The following OSBP variants were observed in gnomAD, a reference collection of about 807,000 sequenced individuals.
OSBP encodes the protein oxysterol binding protein, also known as oxysterol-binding protein 1.
OSBP carries 32 observed loss-of-function variants against 96.6 expected under a neutral mutation model. That is an observed-to-expected ratio of 0.33 (90% CI 0.25 to 0.45). The LOEUF is 0.45. OSBP is among the 20% of genes least tolerant of loss of function. The pLI, the probability that OSBP is intolerant of heterozygous loss-of-function variation, is 1.00. For synonymous variants in OSBP, 369 were observed against 389.6 expected, an observed-to-expected ratio of 0.95 and a Z score of 0.62; for missense variants, 653 against 1,029.7, an observed-to-expected ratio of 0.63 and a Z score of 5.01.
intron 7 of OSBP, 25 bp downstream of exon 7, chr11:59,600,471 C>T (rs1860709543): frequency 6.2e-7 from 1 of 1,610,688 alleles, no homozygotes; most frequent in Admixed American, 1.7e-5. Context: ...CTCCTGGCAG[C>T]AGCTCCAGTG....
chr11:59,608,842 T>A, intron 2 of OSBP, 108 bp from the exon 3 acceptor site: 1 of 1,117,030 alleles, frequency 9.0e-7, no homozygotes, highest in Non-Finnish European at 1.3e-6. Context: ...CTGTGTGCAT[T>A]CTGACTCACT....
intron 7 of OSBP, among the ~76,000 whole-genome samples, chr11:59,596,517 A>C (rs1374618584): frequency 6.6e-6 from 1 of 152,204 alleles, no homozygotes; most frequent in Non-Finnish European, 1.5e-5. Context: ...AAACAGGGAA[A>C]GAAATGAGTC....
In OSBP at chr11:59,593,527, A is replaced by G. The variant is rs1860611062; in HGVS notation, c.1678+77T>C. The G allele has an allele frequency of 2.6e-6, 4 of 1,525,210 alleles. No homozygotes were observed. In the African/African-American group the frequency reaches 5.5e-5, roughly 21 times the overall value. The allele number at this position is 1,525,210 out of a possible 1,614,324, so 94.5% of individuals were successfully genotyped here. The stretch of plus-strand genomic sequence containing the variant: ...CAGACCTCCTGTCTCCTGACTCTTT[A>G]GCCAGTGACCTCCTCCATCGTGCCA... On this transcript the variant is annotated intron_variant, in intron 9 of 13. Coordinates refer to ENST00000263847, the MANE Select transcript of OSBP (RefSeq NM_002556.3).
At chr11:59,584,816 A>T (rs1430985033) in intron 9 of OSBP, among the ~76,000 whole-genome samples, 2 of 152,140 alleles carry the variant, frequency 1.3e-5, no homozygotes, top group Non-Finnish European at 2.9e-5. Context: ...AAAAAGAAAT[A>T]AAAGGCATCC....
chr11:59,576,934 G>T lies in OSBP; in HGVS notation c.2152C>A (p.Arg718=), dbSNP rs762860195. Residue 718 remains arginine (R), a synonymous_variant, in exon 13 of 14, where the codon CGA becomes AGA. Transcript: ENST00000263847. ...TTTTCCATCAGTCTCTGGTCAGGTC[G>T]TAACCGGCTGTCTGTGGGGGCAGTG... The part of the protein sequence containing the change: ...SGTAPTDSRL[R]PDQRLMENGR... 1 of 1,614,058 alleles carries T rather than the reference G, an allele frequency of 6.2e-7. No homozygotes were observed. Among genetic ancestry groups the T allele is most frequent in the African/African-American group, 1.3e-5 (1 of 74,918 alleles).
chr11:59,604,254 G>A (rs1456591377), intron 3 of OSBP, among the ~76,000 whole-genome samples: 1 of 152,178 alleles, frequency 6.6e-6, no homozygotes, highest in Non-Finnish European at 1.5e-5. Context: ...TAAGGTGTTA[G>A]TTATTATAAT....
rs146377204 is a variant in OSBP at position 59,603,980 on chromosome 11, A to G, written c.823-2142T>C. ...ATCAAGTCCTATTGATTCTTCTTTA[A>G]TATTTTAAAAATCTGTACATGTCTT... On this transcript the variant is annotated intron_variant, in intron 3 of 13. Coordinates refer to ENST00000263847, the MANE Select transcript of OSBP (RefSeq NM_002556.3). 9.9e-5 allele frequency among the ~76,000 whole-genome samples: 15 copies of G among 152,248 alleles called. 1 individual carries two copies. In the East Asian group the frequency reaches 2.9e-3, roughly 29 times the overall value.
At chr11:59,577,578 A>G (rs1860375251) in intron 12 of OSBP, among the ~76,000 whole-genome samples, 2 of 152,116 alleles carry the variant, frequency 1.3e-5, no homozygotes, top group Admixed American at 1.3e-4. Flanking sequence ...CTGCAACCTC[A>G]AACTTCTGGG....
intron 3 of OSBP, 94 bp downstream of exon 3, chr11:59,608,390 T>G (rs1042082582): frequency 4.1e-6 from 6 of 1,474,242 alleles, no homozygotes; most frequent in African/African-American, 1.4e-5. Context: ...TAATGTTCTG[T>G]GCTTTATCAA....
chr11:59,604,926 G>A (rs1860763401), intron 3 of OSBP, among the ~76,000 whole-genome samples: 1 of 151,496 alleles, frequency 6.6e-6, no homozygotes, highest in Non-Finnish European at 1.5e-5. Flanking sequence ...GGCCTAGGCA[G>A]GTGGATCACA....
intron 3 of OSBP, among the ~76,000 whole-genome samples, chr11:59,607,744 TC>T (rs1284761487): frequency 5.3e-5 from 8 of 152,282 alleles, no homozygotes; most frequent in African/African-American, 1.9e-4. Flanking sequence ...TATCAATACA[TC>T]GGTAATGCCA....
At chr11:59,595,400 CT>C (rs1436791705) in intron 7 of OSBP, among the ~76,000 whole-genome samples, 1 of 152,042 alleles carries the variant, frequency 6.6e-6, no homozygotes, top group African/African-American at 2.4e-5. Flanking sequence ...AAACACAACA[CT>C]TTTCTTTCTG....
chr11:59,576,959 G>A lies in OSBP; in HGVS notation c.2127C>T (p.Gly709=). ...GTAACCGGCTGTCTGTGGGGGCAGT[G>A]CCACTTTCCCAAGCATTGAGAGTCA... The part of the protein sequence containing the change: ...LALTLNAWES[G]TAPTDSRLRP... Residue 709 remains glycine, a synonymous_variant, in exon 13 of 14, where the codon GGC becomes GGT. Transcript: ENST00000263847. 6.2e-7 allele frequency: 1 copy of A among 1,614,202 alleles called. No individual in the cohort carries two copies. Among genetic ancestry groups the A allele is most frequent in the Admixed American group, 1.7e-5 (1 of 60,022 alleles).
chr11:59,603,529 GTTTT>G (rs370609645), intron 3 of OSBP, among the ~76,000 whole-genome samples: 5 of 86,764 alleles, frequency 5.8e-5, no homozygotes, highest in Admixed American at 1.4e-4. Flanking sequence ...ATCACCTTCA[GTTTT>G]TTTTTTTTTT....
intron 3 of OSBP, among the ~76,000 whole-genome samples, chr11:59,607,722 T>C (rs1246843846): frequency 6.6e-6 from 1 of 152,212 alleles, no homozygotes; most frequent in Admixed American, 6.5e-5. Context: ...AACCATGTAT[T>C]CACTTCATAC....
At position 59,590,545 on chromosome 11, in the gene OSBP, T is replaced by A. The variant is rs182817155; in HGVS notation, c.1678+3059A>T. ...TTATTGTTGGGCCTGAATGAGTTAA[T>A]ACATGAAAAGCACTTATATCAATGG... On this transcript the variant is annotated intron_variant, in intron 9 of 13. Transcript: ENST00000263847. 1.8e-3 allele frequency among the ~76,000 whole-genome samples: 273 copies of A among 152,320 alleles called. 1 individual carries two copies. The highest frequency in any genetic ancestry group is 6.0e-3 in the African/African-American group (251 of 41,558).
chr11:59,596,123 A>T (rs906128175), intron 7 of OSBP, among the ~76,000 whole-genome samples: 5 of 152,046 alleles, frequency 3.3e-5, no homozygotes, highest in Non-Finnish European at 5.9e-5. Context: ...AGGACCCACC[A>T]AAACAGTGTG....
intron 2 of OSBP, 59 bp downstream of exon 2, chr11:59,610,322 A>C (rs1204227257): frequency 1.4e-6 from 2 of 1,415,058 alleles, no homozygotes; most frequent in Admixed American, 3.4e-5. Flanking sequence ...GACAAACAAA[A>C]TCTGTGCATA....
intron 3 of OSBP, among the ~76,000 whole-genome samples, chr11:59,602,571 T>C (rs1224788320): frequency 6.6e-6 from 1 of 152,218 alleles, no homozygotes; most frequent in African/African-American, 2.4e-5. Context: ...ACCTGCCTTG[T>C]ATTCTCCTCG....
Sources: gnomAD v4.1 joint callset for allele counts (sites outside exome capture counted in the v4.1 genomes callset) on GRCh38, gnomAD v4.1.1 for gene constraint, MANE v1.5 for transcripts, NCBI Gene and HGNC (gene_info 2026-07-23, HGNC 2026-07-21) for gene names.